RHOU: variants seen among roughly 807,000 people sequenced by gnomAD.
RHOU encodes the protein rho-related GTP-binding protein RhoU.
RHOU carries 8 observed loss-of-function variants against 12.6 expected under a neutral mutation model. The ratio of observed to expected loss-of-function variants is 0.64; its 90% CI spans 0.37 to 1.15. The LOEUF (loss-of-function observed/expected upper bound fraction) is 1.15, where lower values mean the gene tolerates loss of function less well. Among genes scored for constraint, RHOU ranks in the 50% most tolerant of loss-of-function variants. RHOU has a pLI of 0.01. For synonymous variants in RHOU, 161 were observed against 147.4 expected, an observed-to-expected ratio of 1.09 and a Z score of -0.67; for missense variants, 258 against 347.0, an observed-to-expected ratio of 0.74 and a Z score of 2.04.
At chr1:228,699,691 A>G in the RHOU span, among the ~76,000 whole-genome samples, 1 of 151,962 alleles carries the variant, frequency 6.6e-6, no homozygotes, top group Non-Finnish European at 1.5e-5. Flanking sequence ...GTAGTGACTT[A>G]TTTAACTGTT....
At chr1:228,741,140 CA>C (rs1433692869) in intron 2 of RHOU, among the ~76,000 whole-genome samples, 1 of 152,020 alleles carries the variant, frequency 6.6e-6, no homozygotes, top group Non-Finnish European at 1.5e-5. Context: ...ATGTAGAATC[CA>C]GTCTCGTCTC....
chr1:228,667,354 G>A, the RHOU span, among the ~76,000 whole-genome samples: 1 of 152,238 alleles, frequency 6.6e-6, no homozygotes, highest in Non-Finnish European at 1.5e-5. Context: ...CTGCCTGGTG[G>A]CATCCAGGAA....
At chr1:228,722,632 T>A in the RHOU span, among the ~76,000 whole-genome samples, 1 of 151,918 alleles carries the variant, frequency 6.6e-6, no homozygotes, top group Non-Finnish European at 1.5e-5. Context: ...GACCTCCTTT[T>A]TTTTTTTTTG....
At chr1:228,740,222 C>T (rs1443204565) in intron 2 of RHOU, among the ~76,000 whole-genome samples, 1 of 152,096 alleles carries the variant, frequency 6.6e-6, no homozygotes, top group South Asian at 2.1e-4. Context: ...TAGGGAAAAA[C>T]GAAGGTTTTG....
At chr1:228,729,367 C>T in the RHOU span, among the ~76,000 whole-genome samples, 16 of 152,140 alleles carry the variant, frequency 1.1e-4, no homozygotes, top group African/African-American at 3.9e-4. Flanking sequence ...ATCCATTTTA[C>T]TGTTTTAGAC....
At chr1:228,663,600 T>TTTTTCTTTTCTTTTCTTTTC in the RHOU span, among the ~76,000 whole-genome samples, 4 of 90,022 alleles carry the variant, frequency 4.4e-5, no homozygotes, top group South Asian at 4.2e-4. Flanking sequence ...TTCTTTTCTG[T>TTTTTCTTTTCTTTTCTTTTC]TTTTCTTTTC....
the RHOU span, among the ~76,000 whole-genome samples, chr1:228,659,956 A>C: frequency 9.9e-6 from 1 of 101,010 alleles, no homozygotes; most frequent in Non-Finnish European, 1.9e-5. Flanking sequence ...TGGTCTCTAC[A>C]AAAAAAAAAC....
At chr1:228,707,126 A>ATATATGTATATATATATATATATGTG in the RHOU span, among the ~76,000 whole-genome samples, 1 of 75,374 alleles carries the variant, frequency 1.3e-5, no homozygotes, top group African/African-American at 1.5e-4. Context: ...ATATATATAT[A>ATATATGTATATATATATATATATGTG]CATATATATA....
the RHOU span, among the ~76,000 whole-genome samples, chr1:228,689,612 C>T: frequency 8.5e-5 from 13 of 152,092 alleles, no homozygotes; most frequent in South Asian, 2.1e-4. Context: ...GCTGCATAGC[C>T]GGAGGTGAGC....
the RHOU span, among the ~76,000 whole-genome samples, chr1:228,699,830 G>A: frequency 6.6e-6 from 1 of 152,124 alleles, no homozygotes; most frequent in African/African-American, 2.4e-5. Flanking sequence ...GCATGGGAAA[G>A]CTTTCATACT....
the RHOU span, among the ~76,000 whole-genome samples, chr1:228,680,173 A>G: frequency 2.0e-5 from 3 of 152,150 alleles, no homozygotes; most frequent in South Asian, 6.2e-4. Flanking sequence ...GAGTTACCCA[A>G]AGCATCTGTG....
the RHOU span, among the ~76,000 whole-genome samples, chr1:228,708,914 A>G: frequency 6.6e-5 from 10 of 152,224 alleles, no homozygotes; most frequent in African/African-American, 2.4e-4. Context: ...CAGGAAACCC[A>G]TCTCATGGGC....
At chr1:228,668,908 G>A in the RHOU span, among the ~76,000 whole-genome samples, 1 of 152,200 alleles carries the variant, frequency 6.6e-6, no homozygotes, top group South Asian at 2.1e-4. Flanking sequence ...GACATGACAA[G>A]GTTGGGGAAT....
chr1:228,739,058 C>CA (rs1662669610), intron 2 of RHOU, among the ~76,000 whole-genome samples: 1 of 152,016 alleles, frequency 6.6e-6, no homozygotes, highest in Admixed American at 6.6e-5. Flanking sequence ...GAGTTTGAGG[C>CA]TGTAGTGAGC....
the RHOU span, chr1:228,687,308 TG>T: frequency 1.2e-5 from 8 of 662,446 alleles, no homozygotes; most frequent in African/African-American, 7.2e-5. Context: ...CTTTTTTTTT[TG>T]GTTACCAAAT....
chr1:228,649,966 A>G, the RHOU span, among the ~76,000 whole-genome samples: 1 of 152,210 alleles, frequency 6.6e-6, no homozygotes, highest in East Asian at 1.9e-4. Flanking sequence ...TTTCTTGTCA[A>G]TTTCTGGTTA....
chr1:228,739,979 C>T lies in RHOU; in HGVS notation c.321+2248C>T, dbSNP rs116060024. On this transcript the variant is annotated intron_variant, in intron 2 of 2. Transcript: ENST00000366691. ...AGTGTGGAGGGAAGACAAATGGAAG[C>T]TCGTGAAGGAGCAAGCAAAGGGAAG... Among the ~76,000 whole-genome samples, 921 of 152,312 alleles carry T rather than the reference C, an allele frequency of 6.0e-3. 10 individuals carry two copies. Among genetic ancestry groups the T allele is most frequent in the African/African-American group, 0.02 (844 of 41,564 alleles).
the RHOU span, chr1:228,687,552 G>A: frequency 9.6e-6 from 15 of 1,561,028 alleles, no homozygotes; most frequent in Non-Finnish European, 1.3e-5. Flanking sequence ...AGACTGTGAT[G>A]ACTGGGAGAG....
chr1:228,663,576 CTTTATT>C, the RHOU span, among the ~76,000 whole-genome samples: 26 of 128,702 alleles, frequency 2.0e-4, no homozygotes, highest in Admixed American at 4.6e-4. Flanking sequence ...CATTATTTTT[CTTTATT>C]TTTATTTTTC....
Sources: gnomAD v4.1 joint callset for allele counts (sites outside exome capture counted in the v4.1 genomes callset) on GRCh38, gnomAD v4.1.1 for gene constraint, MANE v1.5 for transcripts, NCBI Gene and HGNC (gene_info 2026-07-23, HGNC 2026-07-21) for gene names.